The following ADARB2 variants were observed in gnomAD, a reference collection of about 807,000 sequenced individuals.
ADARB2 encodes the protein inactive double-stranded RNA-specific editase B2.
A neutral mutation model predicts 62.2 loss-of-function variants in ADARB2; 25 were observed. That is an observed-to-expected ratio of 0.40 (90% CI 0.29 to 0.56). The LOEUF is 0.56. Among genes scored for constraint, ADARB2 ranks in the 20% least tolerant of loss-of-function variants. The probability of loss-of-function intolerance (pLI) is 0.43; values close to 1 mark genes in which losing one functional copy is unlikely to be tolerated. For synonymous variants in ADARB2, 572 were observed against 500.8 expected, an observed-to-expected ratio of 1.14 and a Z score of -1.90; for missense variants, 1,071 against 1,077.4, an observed-to-expected ratio of 0.99 and a Z score of 0.08.
intron 3 of ADARB2, among the ~76,000 whole-genome samples, chr10:1,304,871 A>G (rs1330663101): frequency 6.8e-6 from 1 of 147,504 alleles, no homozygotes; most frequent in African/African-American, 2.5e-5. Flanking sequence ...GGACGCATTC[A>G]AAGCAGTGTG....
intron 1 of ADARB2, among the ~76,000 whole-genome samples, chr10:1,613,300 C>A (rs560006021): frequency 1.3e-5 from 2 of 152,292 alleles, no homozygotes; most frequent in African/African-American, 4.8e-5. Flanking sequence ...TGTCTTCAAA[C>A]CCATTCCATG....
In ADARB2 at chr10:1,255,048, T is replaced by C. The variant is rs913437205; in HGVS notation, c.1193-12749A>G. Among the ~76,000 whole-genome samples, 16 of 152,182 alleles carry C rather than the reference T, an allele frequency of 1.1e-4. No individual in the cohort carries two copies. The highest frequency in any genetic ancestry group is 3.1e-4 in the African/African-American group (13 of 41,440). On this transcript the variant is annotated intron_variant, in intron 4 of 9. Coordinates refer to ENST00000381312, the MANE Select transcript of ADARB2 (RefSeq NM_018702.4). The surrounding 1 kb of genome is among the most constrained non-coding windows in gnomAD (Gnocchi z 4.7). ...ACTCATTAATTTCCTTATAAAATGC[T>C]CCCAGAGGACATGCCACCCTCACTT... is the stretch of plus-strand genomic sequence containing the variant.
chr10:1,622,530 G>A (rs146487498), intron 1 of ADARB2, among the ~76,000 whole-genome samples: 1 of 152,220 alleles, frequency 6.6e-6, no homozygotes, highest in African/African-American at 2.4e-5. Flanking sequence ...ATTTTGAACA[G>A]TCATGCCACT....
At chr10:1,675,279 C>T (rs1164005042) in intron 1 of ADARB2, 1 of 938,956 alleles carries the variant, frequency 1.1e-6, no homozygotes. Flanking sequence ...GGTTTGGGTT[C>T]AGGGATGCAT....
At chr10:1,260,977 A>G (rs1183643280) in intron 4 of ADARB2, among the ~76,000 whole-genome samples, 1 of 110,742 alleles carries the variant, frequency 9.0e-6, no homozygotes, top group Non-Finnish European at 1.9e-5. Flanking sequence ...GGAACAGAAC[A>G]GAGCCCTCAG....
intron 4 of ADARB2, among the ~76,000 whole-genome samples, chr10:1,257,964 T>C (rs1158079705): frequency 6.6e-6 from 1 of 152,182 alleles, no homozygotes; most frequent in African/African-American, 2.4e-5. Context: ...TCACATTTGT[T>C]CACTAATTAG....
At chr10:1,218,187 A>C (rs1388499669) in intron 6 of ADARB2, among the ~76,000 whole-genome samples, 1 of 152,130 alleles carries the variant, frequency 6.6e-6, no homozygotes, top group African/African-American at 2.4e-5. Flanking sequence ...AGTAGCTGGG[A>C]TTACAAGTGC....
chr10:1,194,204 G>A lies in ADARB2; in HGVS notation c.1864+5762C>T, dbSNP rs558886378. Among the ~76,000 whole-genome samples the A allele has an allele frequency of 7.2e-5, 11 of 152,292 alleles. No homozygotes were observed. In the South Asian group the frequency reaches 2.3e-3, roughly 32 times the overall value. On this transcript the variant is annotated intron_variant, in intron 8 of 9. Coordinates refer to ENST00000381312, the MANE Select transcript of ADARB2 (RefSeq NM_018702.4). ...GTATTGCTGGGAAGGCACATTCAAC[G>A]CGATTAACATTTAACTCATTCGACT... is the stretch of plus-strand genomic sequence containing the variant.
At chr10:1,248,680 T>C (rs1265774044) in intron 4 of ADARB2, among the ~76,000 whole-genome samples, 2 of 152,258 alleles carry the variant, frequency 1.3e-5, no homozygotes, top group African/African-American at 4.8e-5. Context: ...CAAGTTTGTA[T>C]AGAAGCATCA....
At chr10:1,670,087 T>C (rs557701287) in intron 1 of ADARB2, among the ~76,000 whole-genome samples, 9 of 152,328 alleles carry the variant, frequency 5.9e-5, no homozygotes, top group Admixed American at 5.9e-4. Context: ...CCCAGGTTCC[T>C]AGGGGGAAGA....
intron 1 of ADARB2, among the ~76,000 whole-genome samples, chr10:1,546,673 G>C (rs1832524941): frequency 6.6e-6 from 1 of 152,228 alleles, no homozygotes; most frequent in African/African-American, 2.4e-5. Flanking sequence ...TTGCAGAAAG[G>C]CCACGTCCCG....
chr10:1,449,444 G>T (rs998740227), intron 1 of ADARB2, among the ~76,000 whole-genome samples: 5 of 152,152 alleles, frequency 3.3e-5, no homozygotes, highest in Admixed American at 6.5e-5. Context: ...ATATCCATTG[G>T]TCCTGTGTGT....
Position 1,736,773 on chromosome 10 carries a change from G to T in ADARB2, c.100+278C>A, listed in dbSNP as rs773756251. On this transcript the variant is annotated intron_variant, in intron 1 of 9. Transcript: ENST00000381312. ...GGGACTGCGGGGCCCGGAGACGCGCGGGGTCCCCGGGGAGCTCCTCGCCGC... is the reference window on the plus strand; with the variant it reads ...GGGACTGCGGGGCCCGGAGACGCGCTGGGTCCCCGGGGAGCTCCTCGCCGC... Among the ~76,000 whole-genome samples, 4 of 152,320 alleles carry T rather than the reference G, an allele frequency of 2.6e-5. No individual in the cohort carries two copies. The South Asian group carries it at 6.2e-4, about 24-fold the overall frequency.
At chr10:1,440,850 A>G (rs762836164) in intron 1 of ADARB2, among the ~76,000 whole-genome samples, 41 of 152,236 alleles carry the variant, frequency 2.7e-4, no homozygotes, top group Non-Finnish European at 4.4e-4. Flanking sequence ...ACTTCAGGTG[A>G]GTTTTACAGC....
intron 1 of ADARB2, among the ~76,000 whole-genome samples, chr10:1,384,295 A>G (rs1832508235): frequency 6.6e-6 from 1 of 152,218 alleles, no homozygotes; most frequent in African/African-American, 2.4e-5. Flanking sequence ...GGGCACAGTG[A>G]GTTTTCAGTT....
intron 1 of ADARB2, among the ~76,000 whole-genome samples, chr10:1,698,760 T>TTTA (rs1004582827): frequency 6.6e-6 from 1 of 152,084 alleles, no homozygotes; most frequent in Non-Finnish European, 1.5e-5. Flanking sequence ...TTTTAAAAAA[T>TTTA]TTATTATTAT....
At chr10:1,539,434 G>T (rs1832381915) in intron 1 of ADARB2, among the ~76,000 whole-genome samples, 1 of 152,174 alleles carries the variant, frequency 6.6e-6, no homozygotes, top group African/African-American at 2.4e-5. Flanking sequence ...GGCTTCCAAG[G>T]CTACAGAAAG....
intron 3 of ADARB2, among the ~76,000 whole-genome samples, chr10:1,309,394 C>T (rs983093410): frequency 1.3e-5 from 2 of 152,172 alleles, no homozygotes; most frequent in Non-Finnish European, 2.9e-5. Context: ...CCTTTTCAGC[C>T]GGGCATGCAC....
chr10:1,206,045 G>T (rs1837057306), intron 7 of ADARB2, among the ~76,000 whole-genome samples: 1 of 152,130 alleles, frequency 6.6e-6, no homozygotes, highest in South Asian at 2.1e-4. Context: ...GGGGTGGGTG[G>T]GATATTCAGC....
Sources: gnomAD v4.1 joint callset for allele counts (sites outside exome capture counted in the v4.1 genomes callset) on GRCh38, gnomAD v4.1.1 for gene constraint, Gnocchi (gnomAD v3.1) non-coding constraint, MANE v1.5 for transcripts, NCBI Gene and HGNC (gene_info 2026-07-23, HGNC 2026-07-21) for gene names.